Variants in ZNF644 observed in about 807,000 individuals in gnomAD.
The protein encoded by ZNF644 is zinc finger motif enhancer binding protein 2.
Under a neutral mutation model 108.0 loss-of-function variants are expected in ZNF644, and 20 were observed. The observed-to-expected ratio is 0.19, with a 90% CI of 0.13 to 0.27. ZNF644 has a LOEUF of 0.27. Among genes scored for constraint, ZNF644 ranks in the 10% least tolerant of loss-of-function variants. The probability of loss-of-function intolerance (pLI) is 1.00; values close to 1 mark genes in which losing one functional copy is unlikely to be tolerated. For missense variants in ZNF644, 1,338 were observed against 1,548.9 expected (o/e 0.86, Z 2.29); for synonymous variants, 542 against 539.1 (o/e 1.01, Z -0.08).
intron 2 of ZNF644, among the ~76,000 whole-genome samples, chr1:90,949,432 T>C (rs1017346153): frequency 6.6e-6 from 1 of 152,100 alleles, no homozygotes; most frequent in Non-Finnish European, 1.5e-5. Flanking sequence ...ATTCTACAAG[T>C]ATCTTAATTT....
intron 4 of ZNF644, among the ~76,000 whole-genome samples, chr1:90,927,286 A>T (rs1288610398): frequency 6.6e-6 from 1 of 152,192 alleles, no homozygotes; most frequent in Non-Finnish European, 1.5e-5. Context: ...GTATTGTAAG[A>T]TCCAATGTAT....
chr1:90,999,876 G>A (rs1658583080), intron 1 of ZNF644, among the ~76,000 whole-genome samples: 1 of 152,104 alleles, frequency 6.6e-6, no homozygotes, highest in Admixed American at 6.6e-5. Flanking sequence ...AAAAAAGGCA[G>A]GGGTTGCAAT....
chr1:91,007,396 CAG>C (rs1245941025), intron 1 of ZNF644, among the ~76,000 whole-genome samples: 1 of 151,780 alleles, frequency 6.6e-6, no homozygotes, highest in East Asian at 1.9e-4. Flanking sequence ...GTATTTTTAG[CAG>C]AGACAGGGTT....
At chr1:90,999,581 A>G (rs1658542656) in intron 1 of ZNF644, among the ~76,000 whole-genome samples, 1 of 152,206 alleles carries the variant, frequency 6.6e-6, no homozygotes, top group Non-Finnish European at 1.5e-5. Flanking sequence ...CACTGCAAAA[A>G]CATGCCCAAT....
At chr1:90,980,197 CTAAT>C (rs1373152997) in intron 2 of ZNF644, among the ~76,000 whole-genome samples, 1 of 152,152 alleles carries the variant, frequency 6.6e-6, no homozygotes, top group Non-Finnish European at 1.5e-5. Flanking sequence ...AACTCATACT[CTAAT>C]AAAGAAGACA....
intron 1 of ZNF644, among the ~76,000 whole-genome samples, chr1:91,002,745 C>G (rs1426018535): frequency 4.6e-5 from 7 of 152,102 alleles, no homozygotes; most frequent in African/African-American, 7.2e-5. Context: ...AACAGGCAAC[C>G]TACAGAACGG....
At chr1:91,014,099 A>G (rs571711098) in intron 1 of ZNF644, among the ~76,000 whole-genome samples, 78 of 152,286 alleles carry the variant, frequency 5.1e-4, no homozygotes, top group African/African-American at 1.6e-3. Flanking sequence ...TTTATGGTGT[A>G]CAACACATTT....
intron 4 of ZNF644, among the ~76,000 whole-genome samples, chr1:90,934,333 C>G (rs1270211778): frequency 6.6e-6 from 1 of 151,894 alleles, no homozygotes; most frequent in Non-Finnish European, 1.5e-5. Context: ...GATCTAAGTT[C>G]TAGGACATGA....
intron 2 of ZNF644, among the ~76,000 whole-genome samples, chr1:90,951,230 T>C (rs543739098): frequency 6.6e-6 from 1 of 152,284 alleles, no homozygotes; most frequent in East Asian, 1.9e-4. Context: ...AACACAGCAA[T>C]CGGAGTGATC....
At chr1:90,971,883 A>G (rs1009617975) in intron 2 of ZNF644, among the ~76,000 whole-genome samples, 1 of 152,162 alleles carries the variant, frequency 6.6e-6, no homozygotes, top group African/African-American at 2.4e-5. Context: ...ATCATTTCTC[A>G]GAACACTTCC....
intron 1 of ZNF644, among the ~76,000 whole-genome samples, chr1:91,001,370 G>T (rs542043550): frequency 6.6e-6 from 1 of 152,148 alleles, no homozygotes; most frequent in Non-Finnish European, 1.5e-5. Flanking sequence ...GGGATGCAAG[G>T]CTGGTTCAAC....
chr1:91,000,858 C>T (rs1003699637), intron 1 of ZNF644, among the ~76,000 whole-genome samples: 1 of 151,216 alleles, frequency 6.6e-6, no homozygotes, highest in Admixed American at 6.6e-5. Context: ...GGGATATCAC[C>T]ACCGATCCCA....
Position 90,926,221 on chromosome 1 carries a change from C to T in ZNF644, c.3689-8067G>A, listed in dbSNP as rs1399205439. 2.0e-5 allele frequency among the ~76,000 whole-genome samples: 3 copies of T among 152,184 alleles called. No individual in the cohort carries two copies. The East Asian group carries it at 5.8e-4, about 29-fold the overall frequency. ...CATAGGATGCCTATGAACTCTGTTT[C>T]ACCTTTTGACATGTAAACCTTAATT... On this transcript the variant is annotated intron_variant, in intron 4 of 5. Coordinates refer to ENST00000337393, the MANE Select transcript of ZNF644 (RefSeq NM_201269.3).
At chr1:90,968,425 G>A (rs530979842) in intron 2 of ZNF644, among the ~76,000 whole-genome samples, 5 of 152,152 alleles carry the variant, frequency 3.3e-5, no homozygotes, top group East Asian at 1.9e-4. Flanking sequence ...AATATATTTC[G>A]GTTTTGGGGG....
At chr1:90,998,509 C>A (rs564598646) in intron 1 of ZNF644, among the ~76,000 whole-genome samples, 1 of 152,308 alleles carries the variant, frequency 6.6e-6, no homozygotes, top group East Asian at 1.9e-4. Context: ...GGAAAACTAA[C>A]AAACAGAAAG....
intron 1 of ZNF644, among the ~76,000 whole-genome samples, chr1:91,003,940 C>G (rs951949639): frequency 2.0e-5 from 3 of 151,776 alleles, no homozygotes; most frequent in Admixed American, 6.6e-5. Flanking sequence ...TTGAAAAGCA[C>G]AATAACTAAA....
chr1:90,992,817 C>A (rs1265683685), intron 1 of ZNF644, among the ~76,000 whole-genome samples: 1 of 152,082 alleles, frequency 6.6e-6, no homozygotes, highest in Non-Finnish European at 1.5e-5. Context: ...GAGGTCAAGG[C>A]AGGAGGATCA....
chr1:90,980,086 C>A (rs1025578981), intron 2 of ZNF644, among the ~76,000 whole-genome samples: 2 of 143,748 alleles, frequency 1.4e-5, no homozygotes, highest in South Asian at 4.5e-4. Context: ...CCTGGGAGAA[C>A]TCTTTTCATT....
intron 2 of ZNF644, among the ~76,000 whole-genome samples, chr1:90,966,838 T>A (rs1654957662): frequency 6.6e-6 from 1 of 151,262 alleles, no homozygotes; most frequent in African/African-American, 2.4e-5. Flanking sequence ...TAGCAGTAAG[T>A]AAGAGCTGAG....
Sources: gnomAD v4.1 joint callset for allele counts (sites outside exome capture counted in the v4.1 genomes callset) on GRCh38, gnomAD v4.1.1 for gene constraint, MANE v1.5 for transcripts, NCBI Gene and HGNC (gene_info 2026-07-23, HGNC 2026-07-21) for gene names.